GTF2E1: variants seen among roughly 807,000 people sequenced by gnomAD.
The protein encoded by GTF2E1 is TFIIE alpha subunit.
GTF2E1 carries 14 observed loss-of-function variants against 34.9 expected under a neutral mutation model. That is an observed-to-expected ratio of 0.40 (90% CI 0.27 to 0.63). The LOEUF (loss-of-function observed/expected upper bound fraction) is 0.63, where lower values mean the gene tolerates loss of function less well. Ranked by LOEUF, GTF2E1 falls within the 20% of genes least tolerant of loss-of-function variation. The probability of loss-of-function intolerance (pLI) is 0.39; values close to 1 mark genes in which losing one functional copy is unlikely to be tolerated. For missense variants in GTF2E1, 469 were observed against 557.7 expected, an observed-to-expected ratio of 0.84 and a Z score of 1.60; for synonymous variants, 188 against 192.9, an observed-to-expected ratio of 0.97 and a Z score of 0.21.
chr3:120,748,660 A>C (rs1178856634), intron 1 of GTF2E1, among the ~76,000 whole-genome samples: 1 of 152,134 alleles, frequency 6.6e-6, no homozygotes, highest in African/African-American at 2.4e-5. Context: ...GTAGCCTTGT[A>C]GTATAGTTTG....
chr3:120,749,408 A>C (rs890434556), intron 1 of GTF2E1, among the ~76,000 whole-genome samples: 18 of 152,262 alleles, frequency 1.2e-4, no homozygotes, highest in African/African-American at 3.9e-4. Flanking sequence ...GATAGCTCTT[A>C]TTATTTTGAG....
chr3:120,776,516 C>T lies in GTF2E1; in HGVS notation c.744C>T (p.Asp248=). Residue 248 remains aspartate, a synonymous_variant, in exon 4 of 5, where the codon GAC becomes GAT. Transcript: ENST00000283875. ...CCACCAAAGGTCCTTCCTATGAAGA[C>T]TTATACACTCAGAATGTTGTCATTA... ...AWATKGPSYE[D]LYTQNVVINM... 6.2e-7 allele frequency: 1 copy of T among 1,613,950 alleles called. No homozygotes were observed.
intron 2 of GTF2E1, among the ~76,000 whole-genome samples, chr3:120,754,625 T>C (rs1349628616): frequency 1.3e-5 from 2 of 152,070 alleles, no homozygotes; most frequent in African/African-American, 4.8e-5. Context: ...AAAAATACAG[T>C]TTTAGAGCTT....
At chr3:120,776,265 T>C (rs560216614) in intron 3 of GTF2E1, among the ~76,000 whole-genome samples, 158 bp from the exon 4 acceptor site, 1 of 152,346 alleles carries the variant, frequency 6.6e-6, no homozygotes, top group East Asian at 1.9e-4. Flanking sequence ...CCCTGAGGTA[T>C]AGAAGCACTT....
rs545440767 is a variant in GTF2E1 at position 120,751,144 on chromosome 3, T to C, written c.448+144T>C. 22 of 599,034 alleles carry C rather than the reference T, an allele frequency of 3.7e-5. No individual in the cohort carries two copies. In the African/African-American group the frequency reaches 3.9e-4, roughly 11 times the overall value. The allele number at this position is 599,034 out of a possible 1,614,324, so 37.1% of individuals were successfully genotyped here. Reference sequence around the variant, plus strand: ...GTAAATCACAGCATACAGTCAGTCTTACTGTCCTGTTTGGCTGTCGCACTA... The same window carrying C: ...GTAAATCACAGCATACAGTCAGTCTCACTGTCCTGTTTGGCTGTCGCACTA... On this transcript the variant is annotated intron_variant, in intron 2 of 4. Coordinates refer to ENST00000283875, the MANE Select transcript of GTF2E1 (RefSeq NM_005513.3).
At chr3:120,762,931 A>G (rs41367044) in intron 2 of GTF2E1, among the ~76,000 whole-genome samples, 1,733 of 152,236 alleles carry the variant, frequency 0.011, 31 homozygotes, top group African/African-American at 0.04. Context: ...CTGGTTTTAG[A>G]GGATTATGTT....
intron 2 of GTF2E1, among the ~76,000 whole-genome samples, chr3:120,758,883 G>A (rs1431929590): frequency 2.6e-5 from 4 of 152,134 alleles, no homozygotes; most frequent in African/African-American, 7.2e-5. Context: ...GTAAACATAC[G>A]TGTGCATGTG....
intron 2 of GTF2E1, among the ~76,000 whole-genome samples, chr3:120,761,814 G>A (rs1351151370): frequency 3.9e-5 from 5 of 128,138 alleles, no homozygotes; most frequent in South Asian, 2.4e-4. Flanking sequence ...TTTTTGAGAC[G>A]TAGTCTCGCT....
At chr3:120,763,558 A>T (rs1374079229) in intron 2 of GTF2E1, among the ~76,000 whole-genome samples, 2 of 152,116 alleles carry the variant, frequency 1.3e-5, no homozygotes, top group Non-Finnish European at 2.9e-5. Flanking sequence ...TCCTTATCTC[A>T]CTGAAATCCT....
At chr3:120,768,797 A>G (rs1016190889) in intron 2 of GTF2E1, among the ~76,000 whole-genome samples, 1 of 152,212 alleles carries the variant, frequency 6.6e-6, no homozygotes, top group African/African-American at 2.4e-5. Flanking sequence ...GTTGGAGAAT[A>G]ATATAAGATA....
intron 2 of GTF2E1, among the ~76,000 whole-genome samples, chr3:120,761,977 A>G (rs1255666831): frequency 6.6e-6 from 1 of 151,914 alleles, no homozygotes; most frequent in East Asian, 1.9e-4. Flanking sequence ...TTTTTAGTAG[A>G]GACGGGATTT....
Position 120,756,881 on chromosome 3 carries a change from G to A in GTF2E1, c.448+5881G>A, listed in dbSNP as rs149886675. Among the ~76,000 whole-genome samples, 1,164 of 152,026 alleles carry A rather than the reference G, an allele frequency of 7.7e-3. 15 individuals are homozygous for A. The highest frequency in any genetic ancestry group is 0.027 in the African/African-American group (1,103 of 41,428). On this transcript the variant is annotated intron_variant, in intron 2 of 4. Transcript: ENST00000283875. ...CCAGAGGTTGCAGTGAGCCGAGATC[G>A]CACCACTGCACTCCAGTCTGGGCGA...
intron 3 of GTF2E1, among the ~76,000 whole-genome samples, chr3:120,772,434 A>G (rs1269720472): frequency 6.6e-6 from 1 of 152,192 alleles, no homozygotes; most frequent in Non-Finnish European, 1.5e-5. Context: ...ATAGGAAACT[A>G]ATAACATCTG....
chr3:120,775,442 C>T (rs11706997), intron 3 of GTF2E1, among the ~76,000 whole-genome samples: 14 of 151,806 alleles, frequency 9.2e-5, no homozygotes, highest in East Asian at 5.8e-4. Context: ...CTGGACAGAG[C>T]GGGAGGTGGA....
Position 120,756,056 on chromosome 3 carries a change from A to T in GTF2E1, c.448+5056A>T, listed in dbSNP as rs138158972. ...CTTCCAAATCTTAGCTATTGTGAAC[A>T]GTGCTGCCACAAACATGGGAATGCA... On this transcript the variant is annotated intron_variant, in intron 2 of 4. Coordinates refer to ENST00000283875, the MANE Select transcript of GTF2E1 (RefSeq NM_005513.3). Among the ~76,000 whole-genome samples, 37 of 152,336 alleles carry T rather than the reference A, an allele frequency of 2.4e-4. 1 individual carries two copies. The Middle Eastern group carries it at 0.02, about 84-fold the overall frequency.
intron 2 of GTF2E1, among the ~76,000 whole-genome samples, chr3:120,763,787 G>A (rs183641020): frequency 6.6e-5 from 10 of 152,176 alleles, no homozygotes; most frequent in Admixed American, 2.6e-4. Flanking sequence ...CTTGGTTCCC[G>A]TGTAGACTAT....
chr3:120,758,063 G>A (rs1405139302), intron 2 of GTF2E1, among the ~76,000 whole-genome samples: 2 of 152,166 alleles, frequency 1.3e-5, no homozygotes, highest in Non-Finnish European at 2.9e-5. Flanking sequence ...CGGAGGCTGA[G>A]GCACAAGGAT....
At chr3:120,749,811 A>G (rs878895124) in intron 1 of GTF2E1, 2 of 152,176 alleles carry the variant, frequency 1.3e-5, no homozygotes, top group East Asian at 3.8e-4. Context: ...GGGTCATGGT[A>G]CGGAAATGAG....
At chr3:120,755,228 G>A (rs964355863) in intron 2 of GTF2E1, among the ~76,000 whole-genome samples, 12 of 152,330 alleles carry the variant, frequency 7.9e-5, no homozygotes, top group African/African-American at 2.9e-4. Flanking sequence ...ATATTCATAT[G>A]TAAGTTTGGA....
Sources: gnomAD v4.1 joint callset for allele counts (sites outside exome capture counted in the v4.1 genomes callset) on GRCh38, gnomAD v4.1.1 for gene constraint, MANE v1.5 for transcripts, NCBI Gene and HGNC (gene_info 2026-07-23, HGNC 2026-07-21) for gene names.